The following CTNND2 variants were observed in gnomAD, a reference collection of about 807,000 sequenced individuals.
The protein encoded by CTNND2 is catenin delta-2.
In CTNND2, 22 loss-of-function variants were observed where a neutral mutation model predicts 144.4. That is an observed-to-expected ratio of 0.15 (90% CI 0.11 to 0.22). The LOEUF (loss-of-function observed/expected upper bound fraction) is 0.22. Among genes scored for constraint, CTNND2 ranks in the 10% least tolerant of loss-of-function variants. The probability of loss-of-function intolerance (pLI) is 1.00; values close to 1 mark genes in which losing one functional copy is unlikely to be tolerated. For synonymous variants in CTNND2, 751 were observed against 695.6 expected (o/e 1.08, Z -1.25); for missense variants, 1,353 against 1,618.8 (o/e 0.84, Z 2.82).
chr5:11,395,098 A>G lies in CTNND2; in HGVS notation c.612+1933T>C, dbSNP rs61749806. Among the ~76,000 whole-genome samples, 325 of 152,210 alleles carry G rather than the reference A, an allele frequency of 2.1e-3. 6 individuals are homozygous for G. In the East Asian group the frequency reaches 0.037, roughly 17 times the overall value. On this transcript the variant is annotated intron_variant, in intron 6 of 21. Coordinates refer to ENST00000304623, the MANE Select transcript of CTNND2 (RefSeq NM_001332.4). The stretch of plus-strand genomic sequence containing the variant: ...ATTTTGAAAAGAAAAGTATCACACC[A>G]CTCAAATAGAGGGATCTGAACAATA...
intron 5 of CTNND2, among the ~76,000 whole-genome samples, chr5:11,401,608 G>C (rs954548605): frequency 6.6e-6 from 1 of 152,066 alleles, no homozygotes; most frequent in Non-Finnish European, 1.5e-5. Context: ...AACCTTTTTT[G>C]AGTACTTAAG....
chr5:11,426,581 C>T (rs1762799139), intron 3 of CTNND2, among the ~76,000 whole-genome samples: 1 of 152,108 alleles, frequency 6.6e-6, no homozygotes, highest in Non-Finnish European at 1.5e-5. Flanking sequence ...TTTGCAATGC[C>T]CTGATGGACT....
intron 14 of CTNND2, among the ~76,000 whole-genome samples, chr5:11,102,177 GA>G (rs1444699742): frequency 6.6e-6 from 1 of 151,984 alleles, no homozygotes; most frequent in African/African-American, 2.4e-5. Flanking sequence ...ATATTTTAAC[GA>G]ATAAAATTTG....
intron 1 of CTNND2, among the ~76,000 whole-genome samples, chr5:11,882,903 G>A (rs367617397): frequency 6.6e-6 from 1 of 152,194 alleles, no homozygotes; most frequent in South Asian, 2.1e-4. Flanking sequence ...TAGTAGTATG[G>A]ACATATTAAT....
Position 11,010,294 on chromosome 5 carries a change from A to G in CTNND2, c.3084+7680T>C, listed in dbSNP as rs564342076. ...TACTGCTTTTTCATCCCTATCTTAGATACCCAGAAAGTAGAATCTATTAAT... is the reference window on the plus strand; with the variant it reads ...TACTGCTTTTTCATCCCTATCTTAGGTACCCAGAAAGTAGAATCTATTAAT... On this transcript the variant is annotated intron_variant, in intron 18 of 21. Transcript: ENST00000304623. Among the ~76,000 whole-genome samples the G allele has an allele frequency of 3.9e-5, 6 of 152,356 alleles. No homozygotes were observed. The South Asian group carries it at 1.2e-3, about 32-fold the overall frequency.
rs186486048 is a variant in CTNND2 at position 11,280,499 on chromosome 5, G to A, written c.1629-43676C>T. Among the ~76,000 whole-genome samples the A allele has an allele frequency of 1.4e-3, 215 of 152,276 alleles. 1 individual carries two copies. The highest frequency in any genetic ancestry group is 3.9e-3 in the African/African-American group (162 of 41,552). Reference sequence around the variant, plus strand: ...CCTTCCTGCTGTGCCCTCACATGATGGAGAGAGATCAAACTCTATTTCCTC... The same window carrying A: ...CCTTCCTGCTGTGCCCTCACATGATAGAGAGAGATCAAACTCTATTTCCTC... On this transcript the variant is annotated intron_variant, in intron 9 of 21. Coordinates refer to ENST00000304623, the MANE Select transcript of CTNND2 (RefSeq NM_001332.4).
intron 3 of CTNND2, among the ~76,000 whole-genome samples, chr5:11,552,613 G>A (rs1775860584): frequency 2.6e-5 from 4 of 152,152 alleles, no homozygotes; most frequent in Admixed American, 2.6e-4. Flanking sequence ...AAATCCAAAT[G>A]ACTACCTTAA....
At chr5:11,140,653 C>G (rs1756634575) in intron 12 of CTNND2, among the ~76,000 whole-genome samples, 1 of 152,094 alleles carries the variant, frequency 6.6e-6, no homozygotes, top group Non-Finnish European at 1.5e-5. Flanking sequence ...CCCATTCACC[C>G]CCAGCTACAA....
At chr5:11,404,602 C>CTTTATTTTT (rs1760927008) in intron 5 of CTNND2, among the ~76,000 whole-genome samples, 1 of 57,368 alleles carries the variant, frequency 1.7e-5, no homozygotes, top group Non-Finnish European at 4.0e-5. Context: ...TATCTGTATT[C>CTTTATTTTT]TTTTTTTTTT....
chr5:11,903,498 G>T lies in CTNND2; in HGVS notation c.37+319C>A. On this transcript the variant is annotated intron_variant, in intron 1 of 21. Transcript: ENST00000304623. This position sits in a 1 kb window ranked among gnomAD's most constrained non-coding sequence, Gnocchi z 5.4. ...CACCGAGTATGTTCTCAGGGTGGCG[G>T]GGAGCAGCATTGTCGGTGTTGCCCT... is the stretch of plus-strand genomic sequence containing the variant. 1.5e-6 allele frequency: 1 copy of T among 688,508 alleles called. No individual in the cohort carries two copies. The highest frequency in any genetic ancestry group is 2.0e-6 in the Non-Finnish European group (1 of 497,136). The allele number at this position is 688,508 out of a possible 1,614,324, so 42.6% of individuals were successfully genotyped here.
At chr5:11,182,148 A>G (rs1159417474) in intron 11 of CTNND2, among the ~76,000 whole-genome samples, 31 of 62,066 alleles carry the variant, frequency 5.0e-4, no homozygotes, top group African/African-American at 7.8e-4. Flanking sequence ...GTGTGTGTGG[A>G]TGGGGTGTGT....
intron 11 of CTNND2, among the ~76,000 whole-genome samples, chr5:11,191,925 C>T (rs1281634298): frequency 6.6e-6 from 1 of 152,154 alleles, no homozygotes; most frequent in Non-Finnish European, 1.5e-5. Flanking sequence ...GCCTGCTGGC[C>T]CGTGTCAACT....
intron 1 of CTNND2, among the ~76,000 whole-genome samples, chr5:11,775,968 C>T (rs557244957): frequency 6.6e-6 from 1 of 152,164 alleles, no homozygotes; most frequent in South Asian, 2.1e-4. Context: ...GGTAGAGTAT[C>T]CTGCCACGAG....
chr5:11,794,736 G>A (rs1791311261), intron 1 of CTNND2, among the ~76,000 whole-genome samples: 2 of 152,106 alleles, frequency 1.3e-5, no homozygotes, highest in African/African-American at 2.4e-5. Context: ...TTTCTCCCAC[G>A]TATGAGTGAT....
At chr5:11,363,044 T>A (rs1394308350) in intron 8 of CTNND2, among the ~76,000 whole-genome samples, 1 of 152,190 alleles carries the variant, frequency 6.6e-6, no homozygotes, top group African/African-American at 2.4e-5. Flanking sequence ...CATCTTTTGA[T>A]TTTTCCCCCC....
At chr5:11,605,236 C>T (rs1779987989) in intron 2 of CTNND2, among the ~76,000 whole-genome samples, 1 of 152,164 alleles carries the variant, frequency 6.6e-6, no homozygotes, top group South Asian at 2.1e-4. Flanking sequence ...AACAGACATG[C>T]TTACTAAATG....
chr5:11,052,446 G>C (rs1314397754), intron 16 of CTNND2, among the ~76,000 whole-genome samples: 1 of 152,108 alleles, frequency 6.6e-6, no homozygotes, highest in Non-Finnish European at 1.5e-5. Context: ...TCTTGCCAAT[G>C]CAAATAACTT....
intron 3 of CTNND2, among the ~76,000 whole-genome samples, chr5:11,430,714 C>G (rs987303390): frequency 9.2e-5 from 14 of 152,138 alleles, no homozygotes; most frequent in African/African-American, 3.4e-4. Context: ...TTCACATCAC[C>G]ACCACCAACA....
chr5:11,790,069 C>T (rs1402935144), intron 1 of CTNND2, among the ~76,000 whole-genome samples: 1 of 152,114 alleles, frequency 6.6e-6, no homozygotes, highest in Non-Finnish European at 1.5e-5. Flanking sequence ...TTTGCTATAA[C>T]TAGTTTTTAT....
Sources: allele counts gnomAD v4.1 joint callset (sites outside exome capture counted in the v4.1 genomes callset), GRCh38; gene constraint gnomAD v4.1.1; non-coding constraint Gnocchi (gnomAD v3.1); transcripts MANE v1.5; gene names NCBI Gene and HGNC (gene_info 2026-07-23, HGNC 2026-07-21).